The following TMEM232 variants were observed in gnomAD, a reference collection of about 807,000 sequenced individuals.
TMEM232 encodes transmembrane protein 232.
In TMEM232, 80 loss-of-function variants were observed where a neutral mutation model predicts 78.8. The observed-to-expected ratio is 1.01, with a 90% confidence interval of 0.85 to 1.22. The LOEUF (loss-of-function observed/expected upper bound fraction) is 1.22. TMEM232 is among the 50% of genes most tolerant of loss of function. The pLI is 0.00. For missense variants in TMEM232, 881 were observed against 742.2 expected (o/e 1.19, Z -2.17); for synonymous variants, 297 against 254.3 (o/e 1.17, Z -1.60).
intron 8 of TMEM232, among the ~76,000 whole-genome samples, chr5:110,612,939 G>C (rs1782493520): frequency 6.6e-6 from 1 of 152,168 alleles, no homozygotes; most frequent in Non-Finnish European, 1.5e-5. Flanking sequence ...GTGGAGCATT[G>C]AGAGTATGAA....
chr5:110,466,736 C>T (rs1383337503), intron 12 of TMEM232, among the ~76,000 whole-genome samples: 4 of 151,866 alleles, frequency 2.6e-5, no homozygotes, highest in African/African-American at 9.7e-5. Context: ...CCTCAGCCTC[C>T]CGAGTAGCTG....
At position 110,605,218 on chromosome 5, in the gene TMEM232, T is replaced by C; in HGVS notation, c.1167A>G (p.Lys389=). Residue 389 remains lysine, a synonymous_variant, in exon 10 of 14, where the codon AAA becomes AAG. Coordinates refer to ENST00000455884, the MANE Select transcript of TMEM232 (RefSeq NM_001039763.4). ...AGTATAAAATATTTTTTTGTGAACT[T>C]TTACAGTGACAGAAACCAATTAAAG... ...KTALIGFCHC[K]SSQKNILYLD... is the part of the protein sequence containing the mutation. 6.4e-7 allele frequency: 1 copy of C among 1,551,170 alleles called. No homozygotes were observed.
chr5:110,635,209 G>C (rs1026033644), intron 5 of TMEM232, among the ~76,000 whole-genome samples: 2 of 151,684 alleles, frequency 1.3e-5, no homozygotes, highest in African/African-American at 2.4e-5. Context: ...CCCCAAAAAA[G>C]AAAAGTCCAG....
At chr5:110,392,052 AG>A (rs1755216730) in intron 3 of TMEM232, among the ~76,000 whole-genome samples, 1 of 152,190 alleles carries the variant, frequency 6.6e-6, no homozygotes, top group Non-Finnish European at 1.5e-5. Flanking sequence ...ATGTTCTACT[AG>A]TTATTTCCAC....
chr5:110,399,586 C>G (rs1439842838), intron 2 of TMEM232, among the ~76,000 whole-genome samples: 1 of 151,994 alleles, frequency 6.6e-6, no homozygotes, highest in African/African-American at 2.4e-5. Flanking sequence ...CTCTGAAAAC[C>G]ATCTCCAAAT....
chr5:110,423,600 CCTT>C (rs1561475510), intron 13 of TMEM232, among the ~76,000 whole-genome samples: 1 of 152,022 alleles, frequency 6.6e-6, no homozygotes, highest in African/African-American at 2.4e-5. Flanking sequence ...ATTTATTTAT[CCTT>C]CTTTAGCTAC....
intron 12 of TMEM232, among the ~76,000 whole-genome samples, chr5:110,512,356 T>G (rs995909180): frequency 6.6e-6 from 1 of 152,192 alleles, no homozygotes; most frequent in Non-Finnish European, 1.5e-5. Context: ...ACAACCAACA[T>G]GCTAGAGTCA....
chr5:110,568,925 T>C (rs1185381353), intron 10 of TMEM232, among the ~76,000 whole-genome samples: 1 of 151,888 alleles, frequency 6.6e-6, no homozygotes, highest in African/African-American at 2.4e-5. Flanking sequence ...AATAAATTCT[T>C]AGAATTCAAG....
At chr5:110,547,391 G>A (rs996094635) in intron 11 of TMEM232, among the ~76,000 whole-genome samples, 3 of 152,046 alleles carry the variant, frequency 2.0e-5, no homozygotes, top group African/African-American at 7.2e-5. Flanking sequence ...AAGGAAGACA[G>A]AAAGAAAAAC....
intron 13 of TMEM232, among the ~76,000 whole-genome samples, chr5:110,422,481 C>G (rs1023188209): frequency 6.1e-5 from 8 of 131,010 alleles, no homozygotes; most frequent in Non-Finnish European, 9.2e-5. Flanking sequence ...GGTCACACCA[C>G]TGCACTCCAG....
At chr5:110,512,483 T>A (rs1303636762) in intron 12 of TMEM232, among the ~76,000 whole-genome samples, 1 of 152,058 alleles carries the variant, frequency 6.6e-6, no homozygotes, top group African/African-American at 2.4e-5. Flanking sequence ...AATTAATGCT[T>A]ACTGAAGGAA....
At chr5:110,570,741 A>T (rs1776849096) in intron 10 of TMEM232, among the ~76,000 whole-genome samples, 1 of 151,966 alleles carries the variant, frequency 6.6e-6, no homozygotes, top group Admixed American at 6.6e-5. Flanking sequence ...TTACTAATCC[A>T]CGTTGTGGAA....
intron 2 of TMEM232, among the ~76,000 whole-genome samples, chr5:110,410,469 T>C (rs1171412068): frequency 1.3e-5 from 2 of 152,160 alleles, no homozygotes; most frequent in African/African-American, 2.4e-5. Flanking sequence ...TACCTTTATC[T>C]TTTTTCACTC....
chr5:110,700,786 GTAGA>G (rs34938658), intron 1 of TMEM232, among the ~76,000 whole-genome samples: 7,137 of 142,542 alleles, frequency 0.05, 176 homozygotes, highest in South Asian at 0.096. Flanking sequence ...AGATAGATAG[GTAGA>G]TAGATAGATA....
At chr5:110,669,852 A>G (rs551162649) in intron 1 of TMEM232, among the ~76,000 whole-genome samples, 1 of 152,224 alleles carries the variant, frequency 6.6e-6, no homozygotes, top group Non-Finnish European at 1.5e-5. Flanking sequence ...AACATAATCC[A>G]GCATATAAAC....
At chr5:110,631,390 C>T (rs186627501) in intron 5 of TMEM232, among the ~76,000 whole-genome samples, 1 of 152,284 alleles carries the variant, frequency 6.6e-6, no homozygotes, top group African/African-American at 2.4e-5. Flanking sequence ...CCCGACCCAA[C>T]ACTGCAGCAG....
intron 12 of TMEM232, among the ~76,000 whole-genome samples, chr5:110,453,520 TTGATCTCCTGGACCTCA>T (rs1483274522): frequency 0.029 from 1 of 34 alleles, no homozygotes; most frequent in Non-Finnish European, 0.042. Context: ...CAGGATGGTC[TTGATCTCCTGGACCTCA>T]TGATCCGCCT....
chr5:110,627,754 T>G, intron 6 of TMEM232, 27 bp downstream of exon 6: 1 of 1,349,640 alleles, frequency 7.4e-7, no homozygotes, highest in African/African-American at 1.5e-5. Flanking sequence ...AAAACATTTA[T>G]AAGTGTAAAA....
intron 4 of TMEM232, among the ~76,000 whole-genome samples, chr5:110,389,875 C>A (rs1476669779): frequency 6.6e-6 from 1 of 152,084 alleles, no homozygotes; most frequent in East Asian, 1.9e-4. Flanking sequence ...AAAATGTCAA[C>A]AAACATGAAG....
Sources: gnomAD v4.1 joint callset for allele counts (sites outside exome capture counted in the v4.1 genomes callset) on GRCh38, gnomAD v4.1.1 for gene constraint, MANE v1.5 for transcripts, NCBI Gene and HGNC (gene_info 2026-07-23, HGNC 2026-07-21) for gene names.